PDE11A: variants seen among roughly 807,000 people sequenced by gnomAD.
PDE11A encodes phosphodiesterase 11A.
Under a neutral mutation model 100.5 loss-of-function variants are expected in PDE11A, and 100 were observed. The ratio of observed to expected loss-of-function variants is 1.00; its 90% CI spans 0.85 to 1.18. PDE11A has a LOEUF of 1.18. Ranked by LOEUF, PDE11A falls within the 50% of genes most tolerant of loss-of-function variation. PDE11A has a pLI of 0.00. For missense variants in PDE11A, 1,141 were observed against 1,152.6 expected, an observed-to-expected ratio of 0.99 and a Z score of 0.15; for synonymous variants, 381 against 420.8, an observed-to-expected ratio of 0.91 and a Z score of 1.16.
chr2:177,764,136 A>C (rs565289969), intron 10 of PDE11A, among the ~76,000 whole-genome samples: 66 of 152,312 alleles, frequency 4.3e-4, no homozygotes, highest in African/African-American at 1.5e-3. Flanking sequence ...CCTATTTTTG[A>C]TGCAGTCATT....
chr2:177,906,076 T>C (rs978472921), intron 2 of PDE11A, among the ~76,000 whole-genome samples: 5 of 152,168 alleles, frequency 3.3e-5, no homozygotes, highest in African/African-American at 1.2e-4. Flanking sequence ...GCAATGTAGA[T>C]GAAACAAGTG....
chr2:177,894,567 C>T (rs191466684), intron 4 of PDE11A, among the ~76,000 whole-genome samples: 1 of 152,154 alleles, frequency 6.6e-6, no homozygotes, highest in Non-Finnish European at 1.5e-5. Context: ...GTCGAATAGC[C>T]TCCTCATTAT....
At chr2:178,019,541 A>T (rs1052559457) in intron 1 of PDE11A, among the ~76,000 whole-genome samples, 1 of 152,178 alleles carries the variant, frequency 6.6e-6, no homozygotes, top group Non-Finnish European at 1.5e-5. Flanking sequence ...AAAAAGCCCA[A>T]TGTAGTAAAA....
At chr2:177,702,543 A>C (rs1233358491) in intron 13 of PDE11A, 1 of 152,178 alleles carries the variant, frequency 6.6e-6, no homozygotes, top group East Asian at 1.9e-4. Context: ...CTGGAGATTG[A>C]TTGCATACAA....
At chr2:177,747,030 G>A (rs1275734457) in intron 10 of PDE11A, among the ~76,000 whole-genome samples, 1 of 152,158 alleles carries the variant, frequency 6.6e-6, no homozygotes, top group Non-Finnish European at 1.5e-5. Flanking sequence ...CACAGGAGAG[G>A]AGAAAAGAAG....
intron 2 of PDE11A, among the ~76,000 whole-genome samples, chr2:177,957,001 T>A (rs2085572764): frequency 6.6e-6 from 1 of 151,678 alleles, no homozygotes; most frequent in African/African-American, 2.4e-5. Flanking sequence ...TGTATACATA[T>A]GTAACAAACC....
intron 2 of PDE11A, among the ~76,000 whole-genome samples, chr2:177,912,043 T>A (rs745756929): frequency 6.6e-6 from 1 of 152,092 alleles, no homozygotes; most frequent in Admixed American, 6.6e-5. Context: ...AGAAGCTTTG[T>A]TTTTTGGAGA....
At chr2:177,896,663 G>C (rs1393841973) in intron 4 of PDE11A, among the ~76,000 whole-genome samples, 3 of 152,192 alleles carry the variant, frequency 2.0e-5, no homozygotes, top group Non-Finnish European at 4.4e-5. Context: ...TTTAGAGTCA[G>C]GCAGTGGAGG....
chr2:177,954,823 T>C (rs1403107757), intron 2 of PDE11A, among the ~76,000 whole-genome samples: 1 of 152,168 alleles, frequency 6.6e-6, no homozygotes, highest in East Asian at 1.9e-4. Context: ...TCAATTGGTC[T>C]GGGGTGGGAT....
upstream of PDE11A, chr2:178,072,954 G>T: frequency 1.0e-6 from 1 of 985,334 alleles, no homozygotes; most frequent in South Asian, 4.7e-5. Context: ...ATCGGCGCCT[G>T]GGTACAGGAC....
chr2:177,868,534 C>T (rs1030813242), intron 5 of PDE11A, among the ~76,000 whole-genome samples: 10 of 152,142 alleles, frequency 6.6e-5, no homozygotes, highest in Admixed American at 2.0e-4. Flanking sequence ...CTATCATATA[C>T]CATTCTTGAA....
intron 2 of PDE11A, among the ~76,000 whole-genome samples, chr2:177,990,380 G>A (rs576929799): frequency 3.3e-5 from 5 of 152,210 alleles, no homozygotes; most frequent in East Asian, 3.9e-4. Flanking sequence ...AGAGCTTAAC[G>A]ATTTTCATTT....
chr2:178,029,655 C>T (rs2086520339), intron 1 of PDE11A, among the ~76,000 whole-genome samples: 1 of 151,952 alleles, frequency 6.6e-6, no homozygotes, highest in East Asian at 1.9e-4. Flanking sequence ...CAAATAAGAG[C>T]AAAAGTTAAT....
At chr2:178,021,589 TTAA>T (rs1212423423) in intron 1 of PDE11A, among the ~76,000 whole-genome samples, 1 of 152,206 alleles carries the variant, frequency 6.6e-6, no homozygotes, top group South Asian at 2.1e-4. Flanking sequence ...GAACAAAAGT[TTAA>T]TAATAGATGA....
At chr2:177,710,598 C>T (rs6756994) in intron 13 of PDE11A, among the ~76,000 whole-genome samples, 141,098 of 152,250 alleles carry the variant, frequency 0.93, 65,772 homozygotes, top group Middle Eastern at 0.97. Flanking sequence ...AATTGTTAGA[C>T]TGAACCAGGA....
chr2:177,851,297 A>T (rs1283053956), intron 5 of PDE11A, among the ~76,000 whole-genome samples: 1 of 151,990 alleles, frequency 6.6e-6, no homozygotes, highest in Admixed American at 6.6e-5. Flanking sequence ...CAAAAAACCA[A>T]ACACCGCATG....
At chr2:177,952,423 C>T (rs975115310) in intron 2 of PDE11A, among the ~76,000 whole-genome samples, 4 of 152,150 alleles carry the variant, frequency 2.6e-5, no homozygotes, top group African/African-American at 9.7e-5. Flanking sequence ...GTGGCCCACA[C>T]CGGATTTTCT....
chr2:177,726,660 G>T (rs1409479107), intron 12 of PDE11A, among the ~76,000 whole-genome samples: 1 of 142,848 alleles, frequency 7.0e-6, no homozygotes, highest in Non-Finnish European at 1.5e-5. Context: ...ATGAGGCAGA[G>T]TTTTTTTTTT....
At chr2:177,960,297 T>A (rs980238026) in intron 2 of PDE11A, among the ~76,000 whole-genome samples, 1 of 151,976 alleles carries the variant, frequency 6.6e-6, no homozygotes, top group African/African-American at 2.4e-5. Flanking sequence ...CAGAAGACAA[T>A]TTGAAAATAG....
Sources: gnomAD v4.1 joint callset for allele counts (sites outside exome capture counted in the v4.1 genomes callset) on GRCh38, gnomAD v4.1.1 for gene constraint, MANE v1.5 for transcripts, NCBI Gene and HGNC (gene_info 2026-07-23, HGNC 2026-07-21) for gene names.